Variants in PACC1 observed in about 807,000 individuals in gnomAD.
PACC1 encodes proton-activated chloride channel.
In PACC1, 34 loss-of-function variants were observed where a neutral mutation model predicts 39.7. The ratio of observed to expected loss-of-function variants is 0.86; its 90% confidence interval spans 0.65 to 1.14. The LOEUF is 1.14. Ranked by LOEUF, PACC1 falls within the 50% of genes most tolerant of loss-of-function variation. The pLI, the probability that PACC1 is intolerant of heterozygous loss-of-function variation, is 0.00. For missense variants in PACC1, 379 were observed against 436.4 expected, an observed-to-expected ratio of 0.87 and a Z score of 1.17; for synonymous variants, 127 against 160.6, an observed-to-expected ratio of 0.79 and a Z score of 1.58.
At chr1:212,370,122 ATGGGATTT>A (rs1413765994) in intron 7 of PACC1, among the ~76,000 whole-genome samples, 2 of 152,194 alleles carry the variant, frequency 1.3e-5, no homozygotes, top group Admixed American at 6.5e-5. Flanking sequence ...ATCAACAAAC[ATGGGATTT>A]AAACTATACT....
In PACC1 at chr1:212,386,797, G is replaced by T; in HGVS notation, c.343+94C>A. On this transcript the variant is annotated intron_variant, in intron 3 of 7. Transcript: ENST00000261455. The surrounding 1 kb of genome is among the most constrained non-coding windows in gnomAD (Gnocchi z 5.0). ...TTGGTTGGACTCCTCTGCCCTGCCC[G>T]TAGTACCACAAATACAACGGCAGCT... 1 of 1,279,546 alleles carries T rather than the reference G, an allele frequency of 7.8e-7. No homozygotes were observed. Among genetic ancestry groups the T allele is most frequent in the Non-Finnish European group, 1.1e-6 (1 of 888,924 alleles). The allele number at this position is 1,279,546 out of a possible 1,614,324, so 79.3% of individuals were successfully genotyped here. A position where few individuals can be genotyped will look rare whatever the true frequency, so the allele number is the denominator to read the frequency against.
chr1:212,384,768 CAGCA>C (rs1407183226), intron 4 of PACC1, among the ~76,000 whole-genome samples: 12 of 152,232 alleles, frequency 7.9e-5, no homozygotes. Context: ...TTGTGCACGA[CAGCA>C]TGGCCAGCCC....
At chr1:212,385,141 T>C (rs557185798) in intron 4 of PACC1, 133 bp downstream of exon 4, 837 of 1,023,966 alleles carry the variant, frequency 8.2e-4, no homozygotes, top group Non-Finnish European at 9.8e-4. Context: ...CACAGCCGCA[T>C]GTCTCCTTGG....
chr1:212,372,598 A>G (rs1008210073), intron 7 of PACC1, among the ~76,000 whole-genome samples: 1 of 152,178 alleles, frequency 6.6e-6, no homozygotes, highest in African/African-American at 2.4e-5. Context: ...TGAAAAACCT[A>G]AACACTCCAC....
At chr1:212,380,335 C>T (rs181380244) in intron 4 of PACC1, among the ~76,000 whole-genome samples, 2 of 152,282 alleles carry the variant, frequency 1.3e-5, no homozygotes, top group Admixed American at 1.3e-4. Context: ...GTTATGTGTG[C>T]CAATCTTTTC....
intron 4 of PACC1, 85 bp downstream of exon 4, chr1:212,385,189 T>C: frequency 6.6e-7 from 1 of 1,510,466 alleles, no homozygotes; most frequent in East Asian, 2.3e-5. Flanking sequence ...GAAGAAGGAC[T>C]CCTAGGAAAA....
intron 7 of PACC1, among the ~76,000 whole-genome samples, chr1:212,368,759 G>A (rs928286977): frequency 2.6e-5 from 4 of 152,096 alleles, no homozygotes; most frequent in African/African-American, 9.7e-5. Flanking sequence ...TTGGCCGGGT[G>A]CGGTGGCTCA....
chr1:212,414,165 G>C lies in PACC1; in HGVS notation c.36+557C>G. The C allele has an allele frequency of 2.1e-6, 3 of 1,398,612 alleles. No individual in the cohort carries two copies. In the South Asian group the frequency reaches 4.5e-5, roughly 21 times the overall value. 86.6% of individuals were successfully genotyped at this position (1,398,612 alleles called of 1,614,324 possible). ...GTGAGACTGGAGGGAGAGACGAAGA[G>C]GAGCGAGAACTAGCAGAGTCCATGA... On this transcript the variant is annotated intron_variant, in intron 1 of 7. Coordinates refer to ENST00000261455, the MANE Select transcript of PACC1 (RefSeq NM_018252.3).
chr1:212,384,569 C>T (rs1661026084), intron 4 of PACC1, among the ~76,000 whole-genome samples: 2 of 152,258 alleles, frequency 1.3e-5, no homozygotes, highest in East Asian at 3.8e-4. Context: ...GAAAACCTTT[C>T]CTTCCCAATT....
At chr1:212,377,488 C>T (rs764048309) in intron 6 of PACC1, 74 bp downstream of exon 6, 9 of 1,589,990 alleles carry the variant, frequency 5.7e-6, no homozygotes, top group Middle Eastern at 1.7e-4. Context: ...GCCTTCTCTG[C>T]AAAGCTTCCC....
chr1:212,414,181 G>A (rs2102554689), intron 1 of PACC1: 5 of 1,322,772 alleles, frequency 3.8e-6, no homozygotes, highest in Non-Finnish European at 4.0e-6. Flanking sequence ...AGAACTAGCA[G>A]AGTCCATGAA....
At chr1:212,412,435 C>A (rs997030058) in intron 1 of PACC1, among the ~76,000 whole-genome samples, 1 of 152,160 alleles carries the variant, frequency 6.6e-6, no homozygotes, top group South Asian at 2.1e-4. Flanking sequence ...GTATATCCCA[C>A]CCTCCCCAAG....
chr1:212,374,441 GA>G (rs1331986154), intron 7 of PACC1, among the ~76,000 whole-genome samples: 1 of 152,102 alleles, frequency 6.6e-6, no homozygotes, highest in Non-Finnish European at 1.5e-5. Context: ...GAGATGAAGA[GA>G]AATTGGTTAA....
chr1:212,412,073 G>A lies in PACC1; in HGVS notation c.37-1552C>T, dbSNP rs191149442. Among the ~76,000 whole-genome samples the A allele has an allele frequency of 2.4e-3, 363 of 152,024 alleles. 3 individuals are homozygous for A. Among genetic ancestry groups the A allele is most frequent in the African/African-American group, 8.1e-3 (337 of 41,432 alleles). On this transcript the variant is annotated intron_variant, in intron 1 of 7. Coordinates refer to ENST00000261455, the MANE Select transcript of PACC1 (RefSeq NM_018252.3). ...GGAGAATCTCTTGAACCCGGGAGGC[G>A]GAGGTTGTAGTGAGCCGAGATCGCA...
chr1:212,374,258 T>C (rs1012105308), intron 7 of PACC1, among the ~76,000 whole-genome samples: 1 of 152,078 alleles, frequency 6.6e-6, no homozygotes, highest in Non-Finnish European at 1.5e-5. Flanking sequence ...ATCCTGTCAT[T>C]TGCAGCAAAA....
chr1:212,385,215 T>G, intron 4 of PACC1, 59 bp downstream of exon 4: 1 of 1,603,956 alleles, frequency 6.2e-7, no homozygotes, highest in South Asian at 1.1e-5. Context: ...ACTTGGGGCC[T>G]TGGGTTGCGG....
chr1:212,412,444 A>G (rs1174445124), intron 1 of PACC1, among the ~76,000 whole-genome samples: 1 of 152,252 alleles, frequency 6.6e-6, no homozygotes, highest in Non-Finnish European at 1.5e-5. Context: ...ACCCTCCCCA[A>G]GGAAAAATCC....
At chr1:212,385,178 G>T in intron 4 of PACC1, 96 bp downstream of exon 4, 2 of 1,412,450 alleles carry the variant, frequency 1.4e-6, no homozygotes, top group Non-Finnish European at 2.0e-6. Flanking sequence ...CTGAGTGAGT[G>T]GAAGAAGGAC....
At chr1:212,389,607 C>A (rs1194147317) in intron 2 of PACC1, among the ~76,000 whole-genome samples, 1 of 152,030 alleles carries the variant, frequency 6.6e-6, no homozygotes, top group Non-Finnish European at 1.5e-5. Flanking sequence ...CCAAGATGAC[C>A]CAGTGTTGCA....
Sources: allele counts gnomAD v4.1 joint callset (sites outside exome capture counted in the v4.1 genomes callset), GRCh38; gene constraint gnomAD v4.1.1; non-coding constraint Gnocchi (gnomAD v3.1); transcripts MANE v1.5; gene names NCBI Gene and HGNC (gene_info 2026-07-23, HGNC 2026-07-21).